Variants in ACCS observed in about 807,000 individuals in gnomAD.
The protein encoded by ACCS is 1-aminocyclopropane-1-carboxylate synthase-like protein 1.
In ACCS, 42 loss-of-function variants were observed where a neutral mutation model predicts 59.8. The observed-to-expected ratio is 0.70, with a 90% CI of 0.55 to 0.91. The LOEUF (loss-of-function observed/expected upper bound fraction) is 0.91, where lower values mean the gene tolerates loss of function less well. Among genes scored for constraint, ACCS ranks in the 40% least tolerant of loss-of-function variants. The pLI is 0.00. For synonymous variants in ACCS, 230 were observed against 240.3 expected (o/e 0.96, Z 0.40); for missense variants, 602 against 630.4 (o/e 0.95, Z 0.48).
rs573557147 is a variant in ACCS, at chr11:44,071,539, C to T, written c.348+224C>T. The stretch of plus-strand genomic sequence containing the variant: ...CATCTCTGTAGACTCTTATTTCACT[C>T]AGTCCCTCCTGCTGTGTTGGGTCCC... On this transcript the variant is annotated intron_variant, in intron 3 of 14. Transcript: ENST00000263776. The T allele has an allele frequency of 1.2e-4, 61 of 515,210 alleles. 3 individuals are homozygous for T. The South Asian group carries it at 1.2e-3, about 10-fold the overall frequency. 31.9% of individuals were successfully genotyped at this position (515,210 alleles called of 1,614,324 possible).
rs546409092 is a variant in ACCS at position 44,082,528 on chromosome 11, G to A, written c.1112-641G>A. 3.9e-5 allele frequency among the ~76,000 whole-genome samples: 6 copies of A among 152,282 alleles called. No individual in the cohort carries two copies. In the East Asian group the frequency reaches 9.7e-4, roughly 25 times the overall value. ...AGCTAGCCTCAAAAGATTACATGCTGTATAATTCCAATTCGATGACATTCT... is the reference window on the plus strand; with the variant it reads ...AGCTAGCCTCAAAAGATTACATGCTATATAATTCCAATTCGATGACATTCT... On this transcript the variant is annotated intron_variant, in intron 12 of 14. Transcript: ENST00000263776.
At position 44,067,871 on chromosome 11, in the gene ACCS, A is replaced by G; in HGVS notation, c.244A>G (p.Arg82Gly). The G allele has an allele frequency of 6.2e-7, 1 of 1,613,358 alleles. No individual in the cohort carries two copies. The highest frequency in any genetic ancestry group is 8.5e-7 in the Non-Finnish European group (1 of 1,179,558). The change falls in exon 2 of 15, where the codon AGG becomes GGG. Residue 82 changes from arginine to glycine, a missense_variant. By Grantham distance (125) the Arg-to-Gly change is moderately radical. Coordinates refer to ENST00000263776, the MANE Select transcript of ACCS (RefSeq NM_032592.4). ...CTGGGATTCAGCTGAGGAGGGCTAC[A>G]GGACCTACCACATGGATGAGTATGA... is the stretch of plus-strand genomic sequence containing the variant. ...WFWDSAEEGY[R>G]TYHMDEYDED... is the part of the protein sequence containing the mutation.
chr11:44,067,440 T>C, intron 1 of ACCS, 188 bp from the exon 2 acceptor site: 1 of 617,606 alleles, frequency 1.6e-6, no homozygotes, highest in Non-Finnish European at 2.8e-6. Context: ...ACTAGGTCCT[T>C]AACAGATTTT....
chr11:44,083,663 G>A, intron 14 of ACCS, 32 bp from the exon 15 acceptor site: 1 of 1,614,210 alleles, frequency 6.2e-7, no homozygotes, highest in Non-Finnish European at 8.5e-7. Context: ...GTGGCCATCA[G>A]TGCCAACTGG....
chr11:44,082,739 CA>C (rs1953696369), intron 12 of ACCS, among the ~76,000 whole-genome samples: 1 of 152,134 alleles, frequency 6.6e-6, no homozygotes, highest in Non-Finnish European at 1.5e-5. Context: ...AACTGTATGA[CA>C]ACGACAAAAA....
intron 10 of ACCS, among the ~76,000 whole-genome samples, chr11:44,079,844 C>T (rs1016987982): frequency 1.3e-5 from 2 of 152,220 alleles, no homozygotes; most frequent in South Asian, 2.1e-4. Flanking sequence ...GAAGAGGCCT[C>T]AGGATCCCTT....
At chr11:44,077,977 T>A (rs1953458762) in intron 8 of ACCS, 55 bp downstream of exon 8, 1 of 1,577,702 alleles carries the variant, frequency 6.3e-7, no homozygotes, top group South Asian at 1.2e-5. Context: ...GAGCAGGGTC[T>A]GGACCCCTCT....
rs1463076929 is a variant in ACCS, at chr11:44,082,274, C to T, written c.1112-895C>T. On this transcript the variant is annotated intron_variant, in intron 12 of 14. Transcript: ENST00000263776. ...TACACTTGCCAAGTGATTCAACAATCCTACTCCTAGATATTGACCTTGATG... is the reference window on the plus strand; with the variant it reads ...TACACTTGCCAAGTGATTCAACAATTCTACTCCTAGATATTGACCTTGATG... The T allele has an allele frequency of 2.0e-5, 3 of 152,292 alleles. No individual in the cohort carries two copies. In the East Asian group the frequency reaches 5.8e-4, roughly 29 times the overall value. The allele number at this position is 152,292 out of a possible 1,614,324, so 9.4% of individuals were successfully genotyped here.
chr11:44,072,253 G>C (rs999460799), intron 3 of ACCS: 1 of 152,058 alleles, frequency 6.6e-6, no homozygotes, highest in African/African-American at 2.4e-5. Flanking sequence ...CTCCTCCCGG[G>C]TTCAAGCAAT....
At position 44,074,818 on chromosome 11, in the gene ACCS, T is replaced by A. The variant is rs559101309; in HGVS notation, c.489+137T>A. 288 of 306,572 alleles carry A rather than the reference T, an allele frequency of 9.4e-4. 7 individuals carry two copies. The East Asian group carries it at 0.023, about 25-fold the overall frequency. 19.0% of individuals were successfully genotyped at this position (306,572 alleles called of 1,614,324 possible). On this transcript the variant is annotated intron_variant, in intron 5 of 14. Coordinates refer to ENST00000263776, the MANE Select transcript of ACCS (RefSeq NM_032592.4). ...TCTCTCCTTCCTTCCTTCTCTTTTTTTTTTTTTTATTTTTTTTATTTTTTC... is the reference window on the plus strand; with the variant it reads ...TCTCTCCTTCCTTCCTTCTCTTTTTATTTTTTTTATTTTTTTTATTTTTTC...
At position 44,074,231 on chromosome 11, in the gene ACCS, T is replaced by A. The variant is rs72900036; in HGVS notation, c.420-381T>A. On this transcript the variant is annotated intron_variant, in intron 4 of 14. Coordinates refer to ENST00000263776, the MANE Select transcript of ACCS (RefSeq NM_032592.4). ...TAGTAGCCGCATCATAGGATTATTATGAAGAGTAAGTAAAAATTTTCTAAA... is the reference window on the plus strand; with the variant it reads ...TAGTAGCCGCATCATAGGATTATTAAGAAGAGTAAGTAAAAATTTTCTAAA... Among the ~76,000 whole-genome samples the A allele has an allele frequency of 6.5e-3, 968 of 149,350 alleles. 3 individuals are homozygous for A. Among genetic ancestry groups the A allele is most frequent in the Non-Finnish European group, 0.011 (723 of 66,916 alleles).
At chr11:44,073,420 G>T in intron 3 of ACCS, 27 bp from the exon 4 acceptor site, 1 of 1,597,104 alleles carries the variant, frequency 6.3e-7, no homozygotes, top group Non-Finnish European at 8.5e-7. Context: ...CTGGCCCTCA[G>T]CCGTGCTCTT....
intron 5 of ACCS, among the ~76,000 whole-genome samples, chr11:44,075,294 A>G (rs1486266295): frequency 2.0e-5 from 3 of 152,072 alleles, no homozygotes; most frequent in Non-Finnish European, 2.9e-5. Flanking sequence ...CTGCCTCCAC[A>G]CCTTCAGGCG....
intron 10 of ACCS, 88 bp downstream of exon 10, chr11:44,079,708 C>T: frequency 1.6e-6 from 2 of 1,223,362 alleles, no homozygotes; most frequent in Non-Finnish European, 1.2e-6. Context: ...CAGGGCATGG[C>T]CTGCCCAGAG....
intron 10 of ACCS, 118 bp from the exon 11 acceptor site, chr11:44,080,902 G>T: frequency 2.3e-6 from 3 of 1,310,596 alleles, no homozygotes; most frequent in Non-Finnish European, 3.2e-6. Flanking sequence ...CATGAAACCA[G>T]GGCTTGTCCT....
At chr11:44,080,467 G>C (rs1953587861) in intron 10 of ACCS, 1 of 153,784 alleles carries the variant, frequency 6.5e-6, no homozygotes, top group Non-Finnish European at 1.4e-5. Flanking sequence ...TCCTTGGTTA[G>C]TCATTAAAAA....
At chr11:44,073,102 T>G (rs528598115) in intron 3 of ACCS, among the ~76,000 whole-genome samples, 3 of 152,168 alleles carry the variant, frequency 2.0e-5, no homozygotes, top group Non-Finnish European at 4.4e-5. Context: ...TATCACCCCA[T>G]GGAGATGCTG....
rs2134911096 is a variant in ACCS at position 44,083,942 on chromosome 11, T to A, written c.*150T>A. ...TGAAGAACTGTTTCTTGTCTTTCGC[T>A]GTAGCAGTGGGAAACTCCTTAAGCT... On this transcript the variant is annotated 3_prime_UTR_variant, in exon 15 of 15. Coordinates refer to ENST00000263776, the MANE Select transcript of ACCS (RefSeq NM_032592.4). The A allele has an allele frequency of 3.4e-6, 5 of 1,454,868 alleles. 1 individual carries two copies. In the South Asian group the frequency reaches 7.1e-5, roughly 21 times the overall value. 90.1% of individuals were successfully genotyped at this position (1,454,868 alleles called of 1,614,324 possible). A position where few individuals can be genotyped will look rare whatever the true frequency, so the allele number is the denominator to read the frequency against.
intron 2 of ACCS, among the ~76,000 whole-genome samples, chr11:44,069,245 C>T (rs576832737): frequency 2.0e-5 from 3 of 150,156 alleles, no homozygotes; most frequent in Non-Finnish European, 4.4e-5. Flanking sequence ...TTTTTTGTGA[C>T]GGAGTCTCGC....
Sources: allele counts gnomAD v4.1 joint callset (sites outside exome capture counted in the v4.1 genomes callset), GRCh38; gene constraint gnomAD v4.1.1; transcripts MANE v1.5; gene names NCBI Gene and HGNC (gene_info 2026-07-23, HGNC 2026-07-21).